Variants in ANK2 observed in about 807,000 individuals in gnomAD.
ANK2 encodes the protein ankyrin 2, also known as ankyrin-2.
A neutral mutation model predicts 360.5 loss-of-function variants in ANK2; 83 were observed. That is an observed-to-expected ratio of 0.23 (90% confidence interval 0.19 to 0.28). The LOEUF (loss-of-function observed/expected upper bound fraction) is 0.28. ANK2 is among the 10% of genes least tolerant of loss of function. The pLI is 1.00. For synonymous variants in ANK2, 1,740 were observed against 1,759.5 expected, an observed-to-expected ratio of 0.99 and a Z score of 0.28; for missense variants, 4,201 against 4,795.7, an observed-to-expected ratio of 0.88 and a Z score of 3.66.
At chr4:112,891,126 A>G (rs1052636467) in intron 1 of ANK2, among the ~76,000 whole-genome samples, 6 of 152,246 alleles carry the variant, frequency 3.9e-5, no homozygotes, top group Non-Finnish European at 8.8e-5. Flanking sequence ...TTTAAACTCT[A>G]TTTAATAGAT....
intron 1 of ANK2, among the ~76,000 whole-genome samples, chr4:113,078,308 T>C (rs747093544): frequency 6.6e-6 from 1 of 152,228 alleles, no homozygotes; most frequent in Non-Finnish European, 1.5e-5. Flanking sequence ...CATATGCCAG[T>C]GGCATATTGA....
At chr4:113,096,808 C>A (rs695002) in intron 1 of ANK2, among the ~76,000 whole-genome samples, 75,785 of 151,468 alleles carry the variant, frequency 0.5, 20,399 homozygotes, top group African/African-American at 0.69. Flanking sequence ...TAGAAAAAAA[C>A]CCAGTAAGTC....
At chr4:113,315,012 TTCTCTCTCTAC>T (rs1163277646) in intron 24 of ANK2, among the ~76,000 whole-genome samples, 2 of 146,242 alleles carry the variant, frequency 1.4e-5, no homozygotes, top group African/African-American at 5.4e-5. Context: ...CCTAATATCT[TTCTCTCTCTAC>T]TCTAATCAAT....
chr4:113,111,356 T>C (rs2094282783), intron 1 of ANK2, among the ~76,000 whole-genome samples: 1 of 152,196 alleles, frequency 6.6e-6, no homozygotes, highest in Admixed American at 6.5e-5. Context: ...TGTTAACATA[T>C]AATTTCTGAG....
At chr4:112,915,773 T>TA (rs1317303700) in intron 2 of ANK2, among the ~76,000 whole-genome samples, 4 of 150,576 alleles carry the variant, frequency 2.7e-5, no homozygotes, top group African/African-American at 9.9e-5. Flanking sequence ...AATAAATAAA[T>TA]AAATAAATAA....
At chr4:112,872,374 G>C (rs1354753228) in intron 1 of ANK2, among the ~76,000 whole-genome samples, 1 of 149,556 alleles carries the variant, frequency 6.7e-6, no homozygotes, top group African/African-American at 2.5e-5. Context: ...TTTTGCTCTT[G>C]TTGCCCAGGC....
intron 1 of ANK2, among the ~76,000 whole-genome samples, chr4:113,138,548 TGAATGCCTGGCTGCTGCCTG>T (rs2096527242): frequency 6.6e-6 from 1 of 152,232 alleles, no homozygotes; most frequent in Non-Finnish European, 1.5e-5. Flanking sequence ...TATTGACTGA[TGAATGCCTGGCTGCTGCCTG>T]GAAGTGTATT....
intron 1 of ANK2, among the ~76,000 whole-genome samples, chr4:113,099,332 T>C (rs1282606253): frequency 6.6e-6 from 1 of 151,960 alleles, no homozygotes; most frequent in East Asian, 1.9e-4. Context: ...AAGGTTAATA[T>C]ACAAAAGTCA....
chr4:112,725,929 T>A, the ANK2 span, among the ~76,000 whole-genome samples: 2 of 152,040 alleles, frequency 1.3e-5, no homozygotes, highest in Non-Finnish European at 2.9e-5. Context: ...AAATAAATAA[T>A]AAAAATTTAA....
chr4:113,045,294 A>G (rs904090287), upstream of ANK2, among the ~76,000 whole-genome samples: 2 of 152,204 alleles, frequency 1.3e-5, no homozygotes, highest in African/African-American at 4.8e-5. Flanking sequence ...AGACATCTTC[A>G]TATTTCTGCC....
chr4:113,150,217 A>G (rs2097008892), intron 1 of ANK2, among the ~76,000 whole-genome samples: 2 of 152,146 alleles, frequency 1.3e-5, no homozygotes, highest in Non-Finnish European at 2.9e-5. Context: ...GAACCTACCA[A>G]GCTGCCCCTT....
chr4:113,040,057 C>T (rs1235358434), intron 2 of ANK2, among the ~76,000 whole-genome samples: 1 of 151,956 alleles, frequency 6.6e-6, no homozygotes, highest in Non-Finnish European at 1.5e-5. Flanking sequence ...AAGGACACGA[C>T]CTGCCCCAAT....
chr4:113,216,206 A>G (rs1368760824), intron 4 of ANK2, among the ~76,000 whole-genome samples: 3 of 152,220 alleles, frequency 2.0e-5, no homozygotes, highest in Non-Finnish European at 4.4e-5. Flanking sequence ...ATAAATCTTC[A>G]TAAATTATTT....
At chr4:113,252,554 A>C (rs962799092) in intron 10 of ANK2, among the ~76,000 whole-genome samples, 2 of 152,124 alleles carry the variant, frequency 1.3e-5, no homozygotes, top group African/African-American at 4.8e-5. Flanking sequence ...TTGGCCTCTC[A>C]GTTAGGTAAC....
intron 4 of ANK2, among the ~76,000 whole-genome samples, chr4:113,203,436 C>CA (rs35032155): frequency 0.046 from 6,764 of 145,934 alleles, 187 homozygotes; most frequent in African/African-American, 0.077. Flanking sequence ...TCTCTGATTG[C>CA]AAAAAAAAAA....
At chr4:113,253,966 TCTC>T (rs1458681220) in intron 10 of ANK2, among the ~76,000 whole-genome samples, 9 of 152,088 alleles carry the variant, frequency 5.9e-5, no homozygotes, top group Non-Finnish European at 1.3e-4. Context: ...ACCACATTCT[TCTC>T]CTTACGATTA....
chr4:113,109,786 G>A (rs141726260), intron 1 of ANK2, among the ~76,000 whole-genome samples: 1 of 152,232 alleles, frequency 6.6e-6, no homozygotes, highest in East Asian at 1.9e-4. Context: ...TGTTTCAGCA[G>A]TAGTGTTTGT....
chr4:112,902,138 T>A (rs2083640737), intron 1 of ANK2, among the ~76,000 whole-genome samples: 1 of 152,318 alleles, frequency 6.6e-6, no homozygotes, highest in Non-Finnish European at 1.5e-5. Flanking sequence ...AACTGGTTTT[T>A]CAGTTTCAAA....
chr4:112,933,924 C>G (rs1404193443), intron 2 of ANK2, among the ~76,000 whole-genome samples: 1 of 150,352 alleles, frequency 6.7e-6, no homozygotes, highest in Non-Finnish European at 1.5e-5. Flanking sequence ...TTTTGAGAAG[C>G]AAATTGCAAA....
Sources: allele counts gnomAD v4.1 joint callset (sites outside exome capture counted in the v4.1 genomes callset), GRCh38; gene constraint gnomAD v4.1.1; transcripts MANE v1.5; gene names NCBI Gene and HGNC (gene_info 2026-07-23, HGNC 2026-07-21).